The following POGZ variants were observed in gnomAD, a reference collection of about 807,000 sequenced individuals.
POGZ encodes pogo transposable element with ZNF domain.
Under a neutral mutation model 134.6 loss-of-function variants are expected in POGZ, and 17 were observed. The ratio of observed to expected loss-of-function variants is 0.13; its 90% CI spans 0.09 to 0.19. The LOEUF is 0.19. POGZ is among the 10% of genes least tolerant of loss of function. The pLI, the probability that POGZ is intolerant of heterozygous loss-of-function variation, is 1.00. For missense variants in POGZ, 1,306 were observed against 1,769.7 expected (o/e 0.74, Z 4.70); for synonymous variants, 693 against 657.1 (o/e 1.05, Z -0.84).
chr1:151,451,963 G>C (rs568447387), intron 1 of POGZ, among the ~76,000 whole-genome samples: 4 of 151,556 alleles, frequency 2.6e-5, no homozygotes, highest in East Asian at 2.0e-4. Context: ...CGGGCGTGGT[G>C]GTGGGCACCT....
At chr1:151,457,664 C>T (rs1056035530) in intron 1 of POGZ, among the ~76,000 whole-genome samples, 2 of 152,136 alleles carry the variant, frequency 1.3e-5, no homozygotes, top group African/African-American at 2.4e-5. Flanking sequence ...CGGTGGCTGA[C>T]GCCTGTAATC....
At chr1:151,444,571 C>T (rs1661008002) in intron 1 of POGZ, among the ~76,000 whole-genome samples, 1 of 152,142 alleles carries the variant, frequency 6.6e-6, no homozygotes, top group South Asian at 2.1e-4. Flanking sequence ...TTGTCCTGAC[C>T]ACTTACAAGC....
At chr1:151,412,461 A>G in intron 10 of POGZ, 65 bp from the exon 11 acceptor site, 1 of 866,282 alleles carries the variant, frequency 1.2e-6, no homozygotes, top group Non-Finnish European at 1.9e-6. Flanking sequence ...CTGACTCACA[A>G]TCTTTATTTT....
chr1:151,456,032 C>T (rs1409278367), intron 1 of POGZ, among the ~76,000 whole-genome samples: 1 of 151,896 alleles, frequency 6.6e-6, no homozygotes, highest in Non-Finnish European at 1.5e-5. Flanking sequence ...AGTGAGCCAC[C>T]ACGCTAGGCC....
In POGZ at chr1:151,403,664, TCTTC is replaced by T; in HGVS notation, c.*1134_*1137del. On this transcript the variant is annotated 3_prime_UTR_variant, in exon 19 of 19. Transcript: ENST00000271715. ...TTCTTTGTGCACACCCCTGTGCGCTTCTTCCTGTCAGATTCTTCCCTAAGTATTA... is the reference window on the plus strand; with the variant it reads ...TTCTTTGTGCACACCCCTGTGCGCTTCTGTCAGATTCTTCCCTAAGTATTA... 1.0e-6 allele frequency: 1 copy of T among 985,506 alleles called. No individual in the cohort carries two copies. Among genetic ancestry groups the T allele is most frequent in the Non-Finnish European group, 1.2e-6 (1 of 829,562 alleles). 61.0% of individuals were successfully genotyped at this position (985,506 alleles called of 1,614,324 possible). A position where few individuals can be genotyped will look rare whatever the true frequency, so the allele number is the denominator to read the frequency against.
intron 10 of POGZ, among the ~76,000 whole-genome samples, chr1:151,414,789 G>A (rs1037527021): frequency 3.4e-4 from 52 of 151,608 alleles, no homozygotes; most frequent in Non-Finnish European, 5.8e-4. Context: ...TCAAAAAAAA[G>A]AAAAAAAAGA....
At chr1:151,442,267 A>C in intron 1 of POGZ, 62 bp from the exon 2 acceptor site, 1 of 1,482,190 alleles carries the variant, frequency 6.7e-7, no homozygotes, top group East Asian at 2.3e-5. Context: ...CTTTATACCA[A>C]ATATGAAATC....
intron 3 of POGZ, among the ~76,000 whole-genome samples, chr1:151,432,970 TC>T (rs1204549353): frequency 6.6e-6 from 1 of 152,220 alleles, no homozygotes; most frequent in Non-Finnish European, 1.5e-5. Context: ...TCTCTTTCTA[TC>T]CTTTTGAAAT....
intron 10 of POGZ, among the ~76,000 whole-genome samples, chr1:151,416,163 G>T (rs541826722): frequency 2.9e-4 from 37 of 129,800 alleles, no homozygotes; most frequent in African/African-American, 1.0e-3. Context: ...AGCTGAGACT[G>T]TGCCACTGCA....
chr1:151,413,202 T>G (rs935936581), intron 10 of POGZ, among the ~76,000 whole-genome samples: 1 of 149,356 alleles, frequency 6.7e-6, no homozygotes, highest in Middle Eastern at 3.4e-3. Flanking sequence ...GCTAGGACTA[T>G]CCTTTGAGCT....
At chr1:151,413,387 C>CAAAGTGCTAGAATT (rs1414432186) in intron 10 of POGZ, among the ~76,000 whole-genome samples, 2 of 152,008 alleles carry the variant, frequency 1.3e-5, no homozygotes, top group African/African-American at 4.8e-5. Flanking sequence ...TTCAGTCTCC[C>CAAAGTGCTAGAATT]AAAGTGCTAG....
intron 10 of POGZ, among the ~76,000 whole-genome samples, chr1:151,412,983 G>A (rs1301351066): frequency 6.6e-6 from 1 of 151,946 alleles, no homozygotes; most frequent in Non-Finnish European, 1.5e-5. Context: ...TCAAACTTCT[G>A]AGACAATTTT....
intron 7 of POGZ, among the ~76,000 whole-genome samples, chr1:151,425,518 C>T (rs1571439023): frequency 6.6e-6 from 1 of 152,084 alleles, no homozygotes; most frequent in South Asian, 2.1e-4. Flanking sequence ...CCATTCTCCC[C>T]TCGCCTCCAC....
chr1:151,456,812 G>A (rs1662828760), intron 1 of POGZ, among the ~76,000 whole-genome samples: 1 of 152,202 alleles, frequency 6.6e-6, no homozygotes, highest in Admixed American at 6.5e-5. Context: ...CAGGGAGGAA[G>A]AGATTGCAGT....
intron 11 of POGZ, 89 bp from the exon 12 acceptor site, chr1:151,411,860 A>G: frequency 8.3e-7 from 1 of 1,200,832 alleles, no homozygotes; most frequent in Non-Finnish European, 1.1e-6. Context: ...AAATTTTTAA[A>G]TTAAAAAAAA....
intron 10 of POGZ, among the ~76,000 whole-genome samples, chr1:151,418,440 G>C (rs1205923445): frequency 1.3e-5 from 2 of 152,148 alleles, no homozygotes; most frequent in African/African-American, 4.8e-5. Flanking sequence ...GCTGGGAAGA[G>C]TAGGGGAGTA....
intron 2 of POGZ, among the ~76,000 whole-genome samples, chr1:151,441,482 G>A (rs1206741521): frequency 6.6e-6 from 1 of 152,136 alleles, no homozygotes; most frequent in Non-Finnish European, 1.5e-5. Context: ...CCATCTTCAG[G>A]TCTCAAGACA....
intron 1 of POGZ, among the ~76,000 whole-genome samples, chr1:151,452,545 A>C (rs1444794614): frequency 6.6e-6 from 1 of 152,060 alleles, no homozygotes; most frequent in Non-Finnish European, 1.5e-5. Flanking sequence ...ACTTTCAAAA[A>C]ATATTTGGCA....
intron 3 of POGZ, among the ~76,000 whole-genome samples, chr1:151,433,229 C>A (rs1659002122): frequency 1.3e-5 from 2 of 152,102 alleles, no homozygotes; most frequent in Non-Finnish European, 2.9e-5. Context: ...CCCGTAAATA[C>A]CATTATAAAG....
Sources: allele counts gnomAD v4.1 joint callset (sites outside exome capture counted in the v4.1 genomes callset), GRCh38; gene constraint gnomAD v4.1.1; transcripts MANE v1.5; gene names NCBI Gene and HGNC (gene_info 2026-07-23, HGNC 2026-07-21).